The following PLAC1 variants were observed in gnomAD, a reference collection of about 807,000 sequenced individuals.
The protein encoded by PLAC1 is placenta-specific protein 1.
For missense variants in PLAC1, 136 were observed against 163.2 expected, an observed-to-expected ratio of 0.83 and a Z score of 0.91; for synonymous variants, 68 against 62.1, an observed-to-expected ratio of 1.09 and a Z score of -0.44.
intron 1 of PLAC1, among the ~76,000 whole-genome samples, chrX:134,655,244 C>A (rs527394276): frequency 4.6e-5 from 5 of 109,033 alleles, no homozygotes; most frequent in Middle Eastern, 4.7e-3. Flanking sequence ...AGAAGTAGAA[C>A]AATGAACATA....
chrX:134,599,703 T>C (rs775067160), intron 2 of PLAC1, among the ~76,000 whole-genome samples: 75 of 111,708 alleles, frequency 6.7e-4, no homozygotes, highest in African/African-American at 2.3e-3. Context: ...TTGTACATGT[T>C]ATGTCTCAAT....
intron 2 of PLAC1, among the ~76,000 whole-genome samples, chrX:134,598,255 T>A (rs748427035): frequency 1.8e-5 from 2 of 111,930 alleles, no homozygotes; most frequent in Non-Finnish European, 3.8e-5. Flanking sequence ...GCTTGTGAGA[T>A]GTTGAAGCAG....
chrX:134,569,788 TTG>T (rs1222390458), intron 2 of PLAC1, among the ~76,000 whole-genome samples: 14 of 47,363 alleles, frequency 3.0e-4, no homozygotes, highest in South Asian at 1.1e-3. Flanking sequence ...GTGTGTGTGT[TTG>T]TGTGTGTGTG....
chrX:134,579,310 A>G (rs1166970404), intron 2 of PLAC1, among the ~76,000 whole-genome samples: 2 of 111,369 alleles, frequency 1.8e-5, no homozygotes, highest in Admixed American at 1.9e-4. Flanking sequence ...AGATAAGTCA[A>G]TCGGGGCCTC....
At chrX:134,705,548 G>GA (rs2078602201) in intron 2 of PLAC1, among the ~76,000 whole-genome samples, 1 of 109,999 alleles carries the variant, frequency 9.1e-6, no homozygotes, top group Non-Finnish European at 1.9e-5. Flanking sequence ...CAATAAATTA[G>GA]AATATGTAAT....
At chrX:134,739,760 T>C (rs1284163541) in intron 1 of PLAC1, among the ~76,000 whole-genome samples, 1 of 112,783 alleles carries the variant, frequency 8.9e-6, no homozygotes, top group Non-Finnish European at 1.9e-5. Context: ...ATGCATTTTA[T>C]TTAAGTGAGG....
At chrX:134,734,037 G>T (rs2078696240) in intron 1 of PLAC1, among the ~76,000 whole-genome samples, 1 of 111,642 alleles carries the variant, frequency 9.0e-6, no homozygotes, top group Non-Finnish European at 1.9e-5. Flanking sequence ...TTCTTTCCTG[G>T]ATGAAACACA....
intron 1 of PLAC1, among the ~76,000 whole-genome samples, chrX:134,613,620 G>A (rs1197476568): frequency 9.0e-6 from 1 of 111,593 alleles, no homozygotes; most frequent in East Asian, 2.8e-4. Flanking sequence ...GGATGAAAGA[G>A]GCATTTCTCA....
intron 1 of PLAC1, among the ~76,000 whole-genome samples, chrX:134,653,109 G>A (rs907182372): frequency 2.7e-5 from 3 of 112,613 alleles, no homozygotes; most frequent in African/African-American, 9.7e-5. Context: ...TACAGTCCAG[G>A]TGTGCCTGTG....
intron 1 of PLAC1, among the ~76,000 whole-genome samples, chrX:134,633,621 G>T (rs2078271614): frequency 9.0e-6 from 1 of 111,373 alleles, no homozygotes; most frequent in African/African-American, 3.3e-5. Flanking sequence ...AGTTACCAAG[G>T]TTTTCCTAAG....
intron 2 of PLAC1, among the ~76,000 whole-genome samples, chrX:134,702,512 C>T (rs1177456589): frequency 1.8e-5 from 2 of 111,873 alleles, no homozygotes; most frequent in African/African-American, 3.3e-5. Flanking sequence ...AACCAAAAAC[C>T]GCATGTTCTC....
intron 1 of PLAC1, among the ~76,000 whole-genome samples, chrX:134,736,733 TA>T (rs1266395414): frequency 8.9e-6 from 1 of 112,259 alleles, no homozygotes; most frequent in Non-Finnish European, 1.9e-5. Context: ...AACCTCTCAC[TA>T]AACATTTGTT....
chrX:134,588,857 G>A (rs1258260953), intron 2 of PLAC1, among the ~76,000 whole-genome samples: 2 of 111,558 alleles, frequency 1.8e-5, no homozygotes, highest in Non-Finnish European at 3.8e-5. Flanking sequence ...CATGAGGAGA[G>A]CACTGGATAC....
chrX:134,613,077 C>T (rs1004997225), intron 1 of PLAC1, among the ~76,000 whole-genome samples: 2 of 110,565 alleles, frequency 1.8e-5, no homozygotes, highest in African/African-American at 6.6e-5. Context: ...CCCAGCAACT[C>T]GGGAGGCTGA....
chrX:134,646,936 G>A (rs1018325625), intron 1 of PLAC1, among the ~76,000 whole-genome samples: 1 of 111,826 alleles, frequency 8.9e-6, no homozygotes, highest in Non-Finnish European at 1.9e-5. Flanking sequence ...GCCTAAGCTG[G>A]CCTCAACTGG....
At chrX:134,762,821 C>CAAAAAAAAAAAAAAAAAAA (rs60721487) in intron 1 of PLAC1, among the ~76,000 whole-genome samples, 5 of 14,822 alleles carry the variant, frequency 3.4e-4, no homozygotes, top group Non-Finnish European at 8.7e-4. Flanking sequence ...GGCTCTATCT[C>CAAAAAAAAAAAAAAAAAAA]AAAAAAAAAA....
intron 2 of PLAC1, among the ~76,000 whole-genome samples, chrX:134,664,463 A>G (rs977937273): frequency 8.9e-6 from 1 of 112,225 alleles, no homozygotes; most frequent in African/African-American, 3.2e-5. Context: ...CCAGGCAAAA[A>G]GCTTGGCTGC....
At chrX:134,741,269 C>G (rs1425026511) in intron 1 of PLAC1, among the ~76,000 whole-genome samples, 1 of 112,130 alleles carries the variant, frequency 8.9e-6, no homozygotes, top group African/African-American at 3.2e-5. Context: ...AATAGCAGAG[C>G]CTTTTTACCA....
chrX:134,633,332 C>T (rs1358006935), intron 1 of PLAC1, among the ~76,000 whole-genome samples: 2 of 111,993 alleles, frequency 1.8e-5, no homozygotes, highest in Non-Finnish European at 3.8e-5. Flanking sequence ...TGATACATTT[C>T]GGTCAGACTG....
Sources: gnomAD v4.1 joint callset for allele counts (sites outside exome capture counted in the v4.1 genomes callset) on GRCh38, gnomAD v4.1.1 for gene constraint, MANE v1.5 for transcripts, NCBI Gene and HGNC (gene_info 2026-07-23, HGNC 2026-07-21) for gene names.